The following ZDHHC2 variants were observed in gnomAD, a reference collection of about 807,000 sequenced individuals.
ZDHHC2 encodes zDHHC palmitoyltransferase 2.
Under a neutral mutation model 55.6 loss-of-function variants are expected in ZDHHC2, and 51 were observed. The observed-to-expected ratio is 0.92, with a 90% CI of 0.73 to 1.16. The LOEUF is 1.16. Among genes scored for constraint, ZDHHC2 ranks in the 50% most tolerant of loss-of-function variants. The pLI is 0.00. For synonymous variants in ZDHHC2, 199 were observed against 152.9 expected (o/e 1.30, Z -2.22); for missense variants, 491 against 442.4 (o/e 1.11, Z -0.99).
chr8:17,190,979 T>TTTTG (rs1805997369), intron 3 of ZDHHC2, among the ~76,000 whole-genome samples: 1 of 120,234 alleles, frequency 8.3e-6, no homozygotes. Context: ...TTTTTTTTTT[T>TTTTG]GAGATGGAGT....
chr8:17,163,874 T>C (rs1429641989), intron 1 of ZDHHC2, among the ~76,000 whole-genome samples: 3 of 152,216 alleles, frequency 2.0e-5, no homozygotes, highest in Non-Finnish European at 4.4e-5. Context: ...CTACAGAGAA[T>C]TTATAATGAA....
At chr8:17,169,682 T>A (rs924637721) in intron 1 of ZDHHC2, among the ~76,000 whole-genome samples, 2 of 152,158 alleles carry the variant, frequency 1.3e-5, no homozygotes, top group Non-Finnish European at 2.9e-5. Flanking sequence ...GCAAGGTTTC[T>A]GTTTTGCCCA....
intron 6 of ZDHHC2, among the ~76,000 whole-genome samples, chr8:17,203,934 A>G (rs1263184713): frequency 6.6e-6 from 1 of 151,342 alleles, no homozygotes; most frequent in Admixed American, 6.6e-5. Context: ...CGGCCTCCCG[A>G]GTATCTGGGA....
intron 1 of ZDHHC2, among the ~76,000 whole-genome samples, chr8:17,184,249 G>T (rs1805589414): frequency 1.3e-5 from 2 of 152,194 alleles, no homozygotes; most frequent in South Asian, 4.1e-4. Flanking sequence ...AGGAGTGGCA[G>T]TTTCCCAGCA....
Position 17,194,568 on chromosome 8 carries a change from A to G in ZDHHC2, c.253-936A>G, listed in dbSNP as rs187439838. On this transcript the variant is annotated intron_variant, in intron 3 of 12. Transcript: ENST00000262096. ...TTCTTTATAATTTTATCACATGTGC[A>G]TGTATCTCTCAACAACAGTGTATAT... is the stretch of plus-strand genomic sequence containing the variant. Among the ~76,000 whole-genome samples, 398 of 151,940 alleles carry G rather than the reference A, an allele frequency of 2.6e-3. 7 individuals are homozygous for G. Among genetic ancestry groups the G allele is most frequent in the Admixed American group, 8.1e-3 (124 of 15,268 alleles).
intron 1 of ZDHHC2, among the ~76,000 whole-genome samples, chr8:17,159,395 C>G (rs1369459190): frequency 2.0e-5 from 3 of 152,142 alleles, no homozygotes; most frequent in East Asian, 3.8e-4. Context: ...ATAGAAGAAA[C>G]AAGGTGATTT....
rs1563161585 is a variant in ZDHHC2 at position 17,199,590 on chromosome 8, T to TCG, written c.476+1177_476+1178insCG. Among the ~76,000 whole-genome samples, 27 of 40,960 alleles carry TCG rather than the reference T, an allele frequency of 6.6e-4. 2 individuals are homozygous for TCG. The highest frequency in any genetic ancestry group is 1.8e-3 in the Non-Finnish European group (19 of 10,380). The allele number at this position is 40,960 out of a possible 152,430, so 26.9% of individuals were successfully genotyped here. On this transcript the variant is annotated intron_variant, in intron 6 of 12. Transcript: ENST00000262096. The stretch of plus-strand genomic sequence containing the variant: ...TTCGTCTTTGTCTTCTTCTTCTTCT[T>TCG]TCTTCTTCTTTATTCTTTCTTCTTC...
intron 2 of ZDHHC2, 112 bp from the exon 3 acceptor site, chr8:17,186,219 T>A (rs556430271): frequency 7.7e-6 from 5 of 651,640 alleles, no homozygotes; most frequent in African/African-American, 7.7e-5. Context: ...ACTTTCATAA[T>A]GTATTATAAT....
At chr8:17,201,136 C>G (rs1056665168) in intron 6 of ZDHHC2, among the ~76,000 whole-genome samples, 7 of 152,228 alleles carry the variant, frequency 4.6e-5, no homozygotes, top group African/African-American at 1.7e-4. Context: ...AAAAATAAAA[C>G]AGGTAGCCAT....
At chr8:17,198,283 C>A in intron 5 of ZDHHC2, 98 bp from the exon 6 acceptor site, 2 of 1,145,580 alleles carry the variant, frequency 1.7e-6, no homozygotes, top group Non-Finnish European at 2.4e-6. Flanking sequence ...ATTTTACTTG[C>A]CGCAGCTGTT....
At chr8:17,194,827 A>G (rs1806223351) in intron 3 of ZDHHC2, among the ~76,000 whole-genome samples, 1 of 152,156 alleles carries the variant, frequency 6.6e-6, no homozygotes, top group Non-Finnish European at 1.5e-5. Context: ...TATTTCAAAC[A>G]ATGATACTGA....
At chr8:17,194,937 A>G (rs1221933885) in intron 3 of ZDHHC2, among the ~76,000 whole-genome samples, 9 of 152,148 alleles carry the variant, frequency 5.9e-5, no homozygotes, top group African/African-American at 1.9e-4. Flanking sequence ...ATATTATTAA[A>G]CAGAAGCCCA....
At chr8:17,209,628 T>C (rs1585734438) in intron 8 of ZDHHC2, among the ~76,000 whole-genome samples, 1 of 152,240 alleles carries the variant, frequency 6.6e-6, no homozygotes. Flanking sequence ...TATCTATTGA[T>C]CAAAAGATCC....
At chr8:17,177,283 G>A (rs1805189471) in intron 1 of ZDHHC2, among the ~76,000 whole-genome samples, 1 of 152,158 alleles carries the variant, frequency 6.6e-6, no homozygotes, top group South Asian at 2.1e-4. Context: ...AGTTGGATGA[G>A]GAGGTAAAAG....
In ZDHHC2 at chr8:17,201,467, T is replaced by TTCTC. The variant is rs201294546; in HGVS notation, c.476+3066_476+3069dup. Among the ~76,000 whole-genome samples, 4 of 100,748 alleles carry TTCTC rather than the reference T, an allele frequency of 4.0e-5. No individual in the cohort carries two copies. In the Admixed American group the frequency reaches 4.1e-4, roughly 10 times the overall value. 66.1% of individuals were successfully genotyped at this position (100,748 alleles called of 152,430 possible). On this transcript the variant is annotated intron_variant, in intron 6 of 12. Transcript: ENST00000262096. ...TGTTTTCAGACCCAGGGGCAGCCTT[T>TTCTC]TCTCTCTCTCTCTCTTTTTTTTTTT...
intron 12 of ZDHHC2, 144 bp downstream of exon 12, chr8:17,217,390 C>G: frequency 1.6e-6 from 1 of 607,802 alleles, no homozygotes; most frequent in Non-Finnish European, 2.8e-6. Context: ...TTGCATTAGC[C>G]ATGCTGGGGC....
chr8:17,195,380 G>A (rs1031968221), intron 3 of ZDHHC2, 124 bp from the exon 4 acceptor site: 2 of 1,147,866 alleles, frequency 1.7e-6, no homozygotes, highest in Non-Finnish European at 1.2e-6. Context: ...AAACTCTATT[G>A]TCTCTTTGAA....
intron 7 of ZDHHC2, among the ~76,000 whole-genome samples, chr8:17,206,934 A>G (rs1807129039): frequency 6.6e-6 from 1 of 152,188 alleles, no homozygotes; most frequent in Non-Finnish European, 1.5e-5. Context: ...GCATAGAAAG[A>G]CATGAGTGAA....
At chr8:17,185,999 G>A (rs1805686847) in intron 2 of ZDHHC2, among the ~76,000 whole-genome samples, 1 of 152,156 alleles carries the variant, frequency 6.6e-6, no homozygotes, top group Non-Finnish European at 1.5e-5. Flanking sequence ...TGCTGTGTTT[G>A]CTGTTTAAAT....
Sources: gnomAD v4.1 joint callset for allele counts (sites outside exome capture counted in the v4.1 genomes callset) on GRCh38, gnomAD v4.1.1 for gene constraint, MANE v1.5 for transcripts, NCBI Gene and HGNC (gene_info 2026-07-23, HGNC 2026-07-21) for gene names.